GPLD1: variants seen among roughly 807,000 people sequenced by gnomAD.
GPLD1 encodes the protein glycosylphosphatidylinositol specific phospholipase D1.
In GPLD1, 84 loss-of-function variants were observed where a neutral mutation model predicts 112.6. The ratio of observed to expected loss-of-function variants is 0.75; its 90% confidence interval spans 0.63 to 0.89. The LOEUF (loss-of-function observed/expected upper bound fraction) is 0.89, where lower values mean the gene tolerates loss of function less well. Among genes scored for constraint, GPLD1 ranks in the 40% least tolerant of loss-of-function variants. The pLI, the probability that GPLD1 is intolerant of heterozygous loss-of-function variation, is 0.00. For synonymous variants in GPLD1, 386 were observed against 403.8 expected, an observed-to-expected ratio of 0.96 and a Z score of 0.53; for missense variants, 1,044 against 1,051.5, an observed-to-expected ratio of 0.99 and a Z score of 0.10.
Position 24,445,546 on chromosome 6 carries a change from C to G in GPLD1, c.2020G>C (p.Asp674His). ...CACAGTTTCACAGTGTGTGACCTAC[C>G]GTACGTAGGGGCTCCAACCAGCAGC... ...QVLLVGAPTY[D>H]DVSKVAFLTV... Residue 674 changes from aspartate (D) to histidine (H), a missense_variant and splice_region_variant, in exon 20 of 25, where the codon GAT becomes CAT. Physicochemically the swap from Asp to His is moderately conservative, Grantham distance 81. Coordinates refer to ENST00000230036, the MANE Select transcript of GPLD1 (RefSeq NM_001503.4). The G allele has an allele frequency of 3.7e-6, 6 of 1,604,300 alleles. No homozygotes were observed. Among genetic ancestry groups the G allele is most frequent in the Non-Finnish European group, 5.1e-6 (6 of 1,171,086 alleles).
upstream of GPLD1, among the ~76,000 whole-genome samples, chr6:24,493,037 G>A (rs922379228): frequency 2.0e-5 from 3 of 152,150 alleles, no homozygotes; most frequent in Admixed American, 6.6e-5. Context: ...CCTACTGTGC[G>A]TAATGGATAA....
At chr6:24,438,976 G>T (rs1374215872) in intron 20 of GPLD1, among the ~76,000 whole-genome samples, 4 of 152,206 alleles carry the variant, frequency 2.6e-5, no homozygotes, top group African/African-American at 7.2e-5. Context: ...TAGAGACAGG[G>T]TTTCACCGTG....
chr6:24,476,828 T>C (rs2127363962), intron 3 of GPLD1, among the ~76,000 whole-genome samples: 1 of 152,280 alleles, frequency 6.6e-6, no homozygotes, highest in South Asian at 2.1e-4. Flanking sequence ...CATGTAGCTC[T>C]TTATTCCCAC....
At chr6:24,452,720 G>A (rs1005609577) in intron 14 of GPLD1, among the ~76,000 whole-genome samples, 2 of 149,946 alleles carry the variant, frequency 1.3e-5, no homozygotes, top group Non-Finnish European at 2.9e-5. Flanking sequence ...AGGTTGCAGT[G>A]AGCCAAGATC....
chr6:24,450,001 C>G, intron 14 of GPLD1, 102 bp from the exon 15 acceptor site: 1 of 726,930 alleles, frequency 1.4e-6, no homozygotes, highest in Non-Finnish European at 2.3e-6. Context: ...CCCCCGCCCC[C>G]CGCCACCCAA....
At chr6:24,479,544 T>C (rs1163862897) in intron 3 of GPLD1, among the ~76,000 whole-genome samples, 1 of 152,208 alleles carries the variant, frequency 6.6e-6, no homozygotes, top group Admixed American at 6.5e-5. Flanking sequence ...GTGACTTTTT[T>C]AAGATCACAT....
intron 2 of GPLD1, among the ~76,000 whole-genome samples, chr6:24,485,365 C>A (rs1212766851): frequency 6.6e-6 from 1 of 152,086 alleles, no homozygotes; most frequent in East Asian, 1.9e-4. Flanking sequence ...TAGCGAGACC[C>A]CCATCTCTAC....
At chr6:24,436,544 C>A in intron 22 of GPLD1, 32 bp downstream of exon 22, 1 of 1,590,632 alleles carries the variant, frequency 6.3e-7, no homozygotes. Flanking sequence ...GATCCTTTCC[C>A]AATAAGTTAT....
At chr6:24,439,037 C>G (rs1281447148) in intron 20 of GPLD1, among the ~76,000 whole-genome samples, 1 of 152,212 alleles carries the variant, frequency 6.6e-6, no homozygotes, top group East Asian at 1.9e-4. Flanking sequence ...CTGCCTCAGT[C>G]TCCCAAAAGT....
rs372890226 is a variant in GPLD1 at position 24,429,144 on chromosome 6, A to T, written c.2437-26T>A. 3 of 1,468,326 alleles carry T rather than the reference A, an allele frequency of 2.0e-6. No individual in the cohort carries two copies. In the Admixed American group the frequency reaches 5.1e-5, roughly 25 times the overall value. The allele number at this position is 1,468,326 out of a possible 1,614,324, so 91.0% of individuals were successfully genotyped here. A position where few individuals can be genotyped will look rare whatever the true frequency, so the allele number is the denominator to read the frequency against. On this transcript the variant is annotated intron_variant, in intron 24 of 24. Coordinates refer to ENST00000230036, the MANE Select transcript of GPLD1 (RefSeq NM_001503.4). ...CTGTAAGGGACACAAGACAGAATTC[A>T]TGGCTCATTCATAACATCTATTGAG...
chr6:24,488,608 C>CA (rs1010518412), intron 1 of GPLD1, among the ~76,000 whole-genome samples: 1 of 149,764 alleles, frequency 6.7e-6, no homozygotes, highest in Non-Finnish European at 1.5e-5. Flanking sequence ...AGCCCATATG[C>CA]AAAAAACATG....
At chr6:24,481,325 G>A (rs1764195056) in intron 2 of GPLD1, among the ~76,000 whole-genome samples, 5 of 149,132 alleles carry the variant, frequency 3.4e-5, no homozygotes, top group South Asian at 4.2e-4. Context: ...CAAAGTAAAA[G>A]TTTGGCAATA....
At position 24,445,726 on chromosome 6, in the gene GPLD1, C is replaced by T. The variant is rs1201839083; in HGVS notation, c.1926G>A (p.Lys642=). ...CCTGTGTGGGGAGGGCTTGTCATACCTTGTCTCCAGAAATGGTAAACCAGC... is the reference window on the plus strand; with the variant it reads ...CCTGTGTGGGGAGGGCTTGTCATACTTTGTCTCCAGAAATGGTAAACCAGC... The part of the protein sequence containing the change: ...GQSWFTISGD[K]AMGKLGTSLS... The change falls in exon 19 of 25, where the codon AAG becomes AAA. Residue 642 remains lysine (K), a splice_region_variant and synonymous_variant. Transcript: ENST00000230036. 1 of 1,612,118 alleles carries T rather than the reference C, an allele frequency of 6.2e-7. No individual in the cohort carries two copies. The highest frequency in any genetic ancestry group is 1.7e-5 in the Admixed American group (1 of 59,972).
intron 11 of GPLD1, 55 bp downstream of exon 11, chr6:24,462,675 C>T (rs1474955580): frequency 9.1e-7 from 1 of 1,096,426 alleles, no homozygotes; most frequent in African/African-American, 1.5e-5. Flanking sequence ...CTCTATAGGG[C>T]ATCTCCTCCA....
intron 7 of GPLD1, among the ~76,000 whole-genome samples, chr6:24,470,609 A>AT (rs1246669314): frequency 6.6e-6 from 1 of 151,062 alleles, no homozygotes; most frequent in Admixed American, 6.6e-5. Context: ...TTCTTTTTTT[A>AT]TTTTTTGAGA....
intron 13 of GPLD1, among the ~76,000 whole-genome samples, chr6:24,454,477 GCTT>G (rs66535920): frequency 0.27 from 41,625 of 152,092 alleles, 6,975 homozygotes; most frequent in Middle Eastern, 0.43. Context: ...TACTCATGAA[GCTT>G]CTTGTCTTAT....
At chr6:24,476,327 G>T in intron 3 of GPLD1, 49 bp from the exon 4 acceptor site, 2 of 929,802 alleles carry the variant, frequency 2.2e-6, no homozygotes, top group Non-Finnish European at 1.7e-6. Context: ...AAGTTGGAGA[G>T]TCTCAATCAA....
chr6:24,435,946 G>C (rs1762566082), intron 22 of GPLD1: 2 of 149,672 alleles, frequency 1.3e-5, no homozygotes, highest in South Asian at 4.2e-4. Context: ...AAGCAAAAGA[G>C]AGGACGTTTT....
upstream of GPLD1, among the ~76,000 whole-genome samples, chr6:24,490,977 A>T (rs1167153351): frequency 6.6e-6 from 1 of 152,196 alleles, no homozygotes; most frequent in Non-Finnish European, 1.5e-5. Context: ...TTATAAACTT[A>T]AATCAAGTTT....
Sources: gnomAD v4.1 joint callset for allele counts (sites outside exome capture counted in the v4.1 genomes callset) on GRCh38, gnomAD v4.1.1 for gene constraint, MANE v1.5 for transcripts, NCBI Gene and HGNC (gene_info 2026-07-23, HGNC 2026-07-21) for gene names.